Variants in WASF2 observed in about 807,000 individuals in gnomAD.
The protein encoded by WASF2 is WASP family member 2.
Under a neutral mutation model 45.0 loss-of-function variants are expected in WASF2, and 14 were observed. The observed-to-expected ratio is 0.31, with a 90% confidence interval of 0.21 to 0.49. The LOEUF is 0.49. Ranked by LOEUF, WASF2 falls within the 20% of genes least tolerant of loss-of-function variation. The pLI is 0.99. For missense variants in WASF2, 439 were observed against 636.1 expected (o/e 0.69, Z 3.33); for synonymous variants, 200 against 236.3 (o/e 0.85, Z 1.41).
intron 1 of WASF2, among the ~76,000 whole-genome samples, chr1:27,451,217 A>AGGGGACAATAATACTCT (rs1244561170): frequency 6.6e-6 from 1 of 152,202 alleles, no homozygotes; most frequent in Admixed American, 6.5e-5. Context: ...ATATAAATAA[A>AGGGGACAATAATACTCT]GGGGACAATA....
rs574499102 is a variant in WASF2 at position 27,486,690 on chromosome 1, G to A, written c.-44+3296C>T. Among the ~76,000 whole-genome samples the A allele has an allele frequency of 2.2e-3, 329 of 152,160 alleles. 2 individuals carry two copies. The highest frequency in any genetic ancestry group is 7.7e-3 in the African/African-American group (318 of 41,518). On this transcript the variant is annotated intron_variant, in intron 1 of 8. Transcript: ENST00000618852. ...TGTAATCCCAGCACTTCCGGAGGCCGCAGCAGGTGGATCAACCGAGGTCAG... is the reference window on the plus strand; with the variant it reads ...TGTAATCCCAGCACTTCCGGAGGCCACAGCAGGTGGATCAACCGAGGTCAG...
intron 7 of WASF2, among the ~76,000 whole-genome samples, chr1:27,411,156 T>C (rs2016756047): frequency 6.6e-6 from 1 of 152,168 alleles, no homozygotes; most frequent in African/African-American, 2.4e-5. Context: ...ACAGCACAGC[T>C]TTAGGTCTCC....
At chr1:27,431,011 T>C (rs1571133073) in intron 1 of WASF2, among the ~76,000 whole-genome samples, 1 of 152,302 alleles carries the variant, frequency 6.6e-6, no homozygotes, top group African/African-American at 2.4e-5. Context: ...CTCCTTGTTA[T>C]GGACATTCTG....
At chr1:27,428,992 T>G in intron 1 of WASF2, 59 bp from the exon 2 acceptor site, 1 of 1,252,944 alleles carries the variant, frequency 8.0e-7, no homozygotes, top group African/African-American at 1.5e-5. Context: ...ACACTAGGGC[T>G]GTGTGAATCT....
At chr1:27,450,321 T>C (rs777366068) in intron 1 of WASF2, among the ~76,000 whole-genome samples, 16 of 152,136 alleles carry the variant, frequency 1.1e-4, no homozygotes, top group Admixed American at 7.9e-4. Flanking sequence ...GAATAAGTCA[T>C]GATAATTAGC....
intron 1 of WASF2, among the ~76,000 whole-genome samples, chr1:27,469,315 G>T (rs2017659016): frequency 6.6e-6 from 1 of 152,120 alleles, no homozygotes; most frequent in South Asian, 2.1e-4. Context: ...CTCCACATCT[G>T]TATATGTTTG....
chr1:27,418,342 G>A lies in WASF2; in HGVS notation c.346C>T (p.Leu116Phe), dbSNP rs2016854138. The change falls in exon 4 of 9, where the codon CTC becomes TTC. Residue 116 changes from leucine (L) to phenylalanine (F), a missense_variant. Around this residue, in one of 5 missense-constraint regions of WASF2, gnomAD observed 98 missense variants for 120.7 expected, o/e 0.81. Transcript: ENST00000618852. ...QDQKLFDRNS[L>F]PVPVLETYNT... ...TATGTTTCTAAGACAGGCACTGGGAGAGAGTTTCTGTCAAAAAGCTTCTGG... is the reference window on the plus strand; with the variant it reads ...TATGTTTCTAAGACAGGCACTGGGAAAGAGTTTCTGTCAAAAAGCTTCTGG... 1 of 1,614,090 alleles carries A rather than the reference G, an allele frequency of 6.2e-7. No individual in the cohort carries two copies. Among genetic ancestry groups the A allele is most frequent in the African/African-American group, 1.3e-5 (1 of 74,938 alleles).
At position 27,408,380 on chromosome 1, in the gene WASF2, G is replaced by A. The variant is rs191291614; in HGVS notation, c.1340-34C>T. Reference sequence around the variant, plus strand: ...AAAGAGACAGAAGGGTGAGGAAGGCGTGTCCTCAGCCTTGGAATCCATCTG... The same window carrying A: ...AAAGAGACAGAAGGGTGAGGAAGGCATGTCCTCAGCCTTGGAATCCATCTG... On this transcript the variant is annotated intron_variant, in intron 8 of 8. Coordinates refer to ENST00000618852, the MANE Select transcript of WASF2 (RefSeq NM_006990.5). 158 of 1,613,430 alleles carry A rather than the reference G, an allele frequency of 9.8e-5. 1 individual carries two copies. In the African/African-American group the frequency reaches 1.7e-3, roughly 17 times the overall value.
At chr1:27,478,073 G>A (rs934177322) in intron 1 of WASF2, among the ~76,000 whole-genome samples, 2 of 150,306 alleles carry the variant, frequency 1.3e-5, no homozygotes, top group African/African-American at 4.9e-5. Flanking sequence ...CCAACATGGT[G>A]AAACCCCCGT....
intron 2 of WASF2, among the ~76,000 whole-genome samples, chr1:27,427,636 A>C (rs991716252): frequency 6.6e-6 from 1 of 152,172 alleles, no homozygotes; most frequent in African/African-American, 2.4e-5. Flanking sequence ...AGGTAGGTGA[A>C]GGCTTAGGAA....
intron 4 of WASF2, 95 bp from the exon 5 acceptor site, chr1:27,416,197 A>T: frequency 1.9e-6 from 2 of 1,033,366 alleles, no homozygotes; most frequent in Non-Finnish European, 3.0e-6. Flanking sequence ...CAGTTTTTAC[A>T]CCAAGGAATC....
chr1:27,432,943 T>C (rs928711883), intron 1 of WASF2, among the ~76,000 whole-genome samples: 1 of 152,114 alleles, frequency 6.6e-6, no homozygotes, highest in Non-Finnish European at 1.5e-5. Context: ...TATTATCTTT[T>C]ATAGAGATGG....
At chr1:27,451,541 G>A (rs964144576) in intron 1 of WASF2, among the ~76,000 whole-genome samples, 1 of 152,108 alleles carries the variant, frequency 6.6e-6, no homozygotes, top group African/African-American at 2.4e-5. Flanking sequence ...AAAGCTATAG[G>A]GAGCTATTTA....
At chr1:27,471,008 A>G (rs547011872) in intron 1 of WASF2, among the ~76,000 whole-genome samples, 111 of 152,262 alleles carry the variant, frequency 7.3e-4, no homozygotes, top group African/African-American at 2.5e-3. Context: ...GCAAAAATAT[A>G]GATGTGGCAG....
chr1:27,441,694 C>A (rs1350736262), intron 1 of WASF2, among the ~76,000 whole-genome samples: 1 of 135,370 alleles, frequency 7.4e-6, no homozygotes, highest in Non-Finnish European at 1.5e-5. Flanking sequence ...GCGGAGCTTG[C>A]AGTGAGCCGA....
chr1:27,467,667 C>T (rs1354366427), intron 1 of WASF2, among the ~76,000 whole-genome samples: 1 of 151,272 alleles, frequency 6.6e-6, no homozygotes, highest in East Asian at 2.0e-4. Flanking sequence ...AATCCCAGCA[C>T]TTTAGGAGGC....
At chr1:27,445,994 A>G (rs2017305826) in intron 1 of WASF2, among the ~76,000 whole-genome samples, 1 of 152,046 alleles carries the variant, frequency 6.6e-6, no homozygotes, top group Admixed American at 6.6e-5. Flanking sequence ...TTTAGCCCAA[A>G]CTAAGATAAT....
chr1:27,486,266 A>G lies in WASF2; in HGVS notation c.-44+3720T>C, dbSNP rs559094330. ...GGGGTATTACATAACACATAGTACC[A>G]TATTTCTTTTCTAAAACCCCAAAAT... On this transcript the variant is annotated intron_variant, in intron 1 of 8. Coordinates refer to ENST00000618852, the MANE Select transcript of WASF2 (RefSeq NM_006990.5). 6.6e-5 allele frequency among the ~76,000 whole-genome samples: 10 copies of G among 152,302 alleles called. No homozygotes were observed. The South Asian group carries it at 8.3e-4, about 13-fold the overall frequency.
rs149015065 is a variant in WASF2, at chr1:27,483,506, C to T, written c.-44+6480G>A. On this transcript the variant is annotated intron_variant, in intron 1 of 8. Coordinates refer to ENST00000618852, the MANE Select transcript of WASF2 (RefSeq NM_006990.5). ...ACAAAATTAGCCAGGCATGGTGGCA[C>T]GCACCTGTAATCCCAGCTGCTACTA... is the stretch of plus-strand genomic sequence containing the variant. Among the ~76,000 whole-genome samples, 874 of 151,984 alleles carry T rather than the reference C, an allele frequency of 5.8e-3. 8 individuals carry two copies. Among genetic ancestry groups the T allele is most frequent in the African/African-American group, 0.02 (813 of 41,446 alleles).
Sources: gnomAD v4.1 joint callset for allele counts (sites outside exome capture counted in the v4.1 genomes callset) on GRCh38, gnomAD v4.1.1 for gene constraint, gnomAD v4.1.1 regional missense constraint, MANE v1.5 for transcripts, NCBI Gene and HGNC (gene_info 2026-07-23, HGNC 2026-07-21) for gene names.